The following SHISA9 variants were observed in gnomAD, a reference collection of about 807,000 sequenced individuals.
SHISA9 encodes the protein shisa family member 9.
Under a neutral mutation model 38.0 loss-of-function variants are expected in SHISA9, and 13 were observed. The ratio of observed to expected loss-of-function variants is 0.34; its 90% CI spans 0.22 to 0.54. The LOEUF is 0.54. SHISA9 is among the 20% of genes least tolerant of loss of function. The probability of loss-of-function intolerance (pLI) is 0.91; values close to 1 mark genes in which losing one functional copy is unlikely to be tolerated. For synonymous variants in SHISA9, 275 were observed against 242.0 expected (o/e 1.14, Z -1.27); for missense variants, 538 against 575.8 (o/e 0.93, Z 0.67).
At chr16:13,226,871 C>G (rs2051284634) in intron 4 of SHISA9, among the ~76,000 whole-genome samples, 1 of 152,136 alleles carries the variant, frequency 6.6e-6, no homozygotes, top group Admixed American at 6.5e-5. Context: ...ATTTCAAGAG[C>G]CTTAGAGTAG....
intron 2 of SHISA9, among the ~76,000 whole-genome samples, chr16:13,177,446 A>G (rs7190058): frequency 0.34 from 51,923 of 151,936 alleles, 9,382 homozygotes; most frequent in African/African-American, 0.45. Context: ...GTATACAAAA[A>G]TGGGTGGGGG....
chr16:13,056,824 G>C (rs1457566647), intron 2 of SHISA9, among the ~76,000 whole-genome samples: 1 of 152,218 alleles, frequency 6.6e-6, no homozygotes, highest in African/African-American at 2.4e-5. Context: ...GGTGGGAAAA[G>C]GGTACTTGAA....
At chr16:13,514,240 GCCTAGACCTC>G in the SHISA9 span, among the ~76,000 whole-genome samples, 1 of 151,790 alleles carries the variant, frequency 6.6e-6, no homozygotes, top group Non-Finnish European at 1.5e-5. Flanking sequence ...TGACCTGCCC[GCCTAGACCTC>G]CCGAAGTGCT....
intron 2 of SHISA9, among the ~76,000 whole-genome samples, chr16:13,187,167 C>A (rs2050832803): frequency 6.6e-6 from 1 of 152,136 alleles, no homozygotes; most frequent in Non-Finnish European, 1.5e-5. Flanking sequence ...AATTAATTTG[C>A]CTATGGCCTG....
chr16:13,412,830 C>T, the SHISA9 span, among the ~76,000 whole-genome samples: 1 of 151,880 alleles, frequency 6.6e-6, no homozygotes, highest in African/African-American at 2.4e-5. Flanking sequence ...GTACTCAGTC[C>T]GGGCGACAGA....
intron 4 of SHISA9, among the ~76,000 whole-genome samples, chr16:13,220,404 G>A (rs1227550132): frequency 6.6e-6 from 1 of 152,190 alleles, no homozygotes; most frequent in Non-Finnish European, 1.5e-5. Flanking sequence ...TCTCATGTCT[G>A]CTAACATCTC....
intron 2 of SHISA9, among the ~76,000 whole-genome samples, chr16:12,930,592 T>A (rs990894755): frequency 1.3e-5 from 2 of 152,204 alleles, no homozygotes; most frequent in Non-Finnish European, 2.9e-5. Context: ...TTCACTAGCA[T>A]GAAAGCAAAC....
intron 2 of SHISA9, among the ~76,000 whole-genome samples, chr16:13,162,899 C>G (rs531400530): frequency 3.8e-4 from 58 of 151,862 alleles, no homozygotes; most frequent in African/African-American, 1.3e-3. Flanking sequence ...ACCTTGGAGC[C>G]GTTATCCTGT....
intron 2 of SHISA9, among the ~76,000 whole-genome samples, chr16:13,102,910 G>A (rs1367135383): frequency 6.6e-6 from 1 of 152,174 alleles, no homozygotes; most frequent in Non-Finnish European, 1.5e-5. Flanking sequence ...CATTCAGAAG[G>A]GAGACAAGTT....
chr16:13,342,697 C>T, the SHISA9 span, among the ~76,000 whole-genome samples: 1 of 152,184 alleles, frequency 6.6e-6, no homozygotes, highest in African/African-American at 2.4e-5. Context: ...ATCACTTTCC[C>T]CACATTCGGT....
At chr16:13,548,502 C>G in the SHISA9 span, among the ~76,000 whole-genome samples, 1 of 151,980 alleles carries the variant, frequency 6.6e-6, no homozygotes, top group African/African-American at 2.4e-5. Context: ...AACTCAAACA[C>G]CTCAATAGCA....
the SHISA9 span, among the ~76,000 whole-genome samples, chr16:13,260,007 C>CTCTTTTTTTTT: frequency 9.8e-4 from 59 of 60,448 alleles, no homozygotes; most frequent in Admixed American, 2.8e-3. Context: ...TTCTTTCTTT[C>CTCTTTTTTTTT]TTTTTTTTTT....
intron 2 of SHISA9, among the ~76,000 whole-genome samples, chr16:13,116,850 C>A (rs2074035302): frequency 6.6e-6 from 1 of 152,202 alleles, no homozygotes; most frequent in Non-Finnish European, 1.5e-5. Flanking sequence ...TATTAGTGAC[C>A]ATGTGATAAA....
the SHISA9 span, among the ~76,000 whole-genome samples, chr16:13,387,770 G>A: frequency 0.036 from 5,447 of 152,188 alleles, 176 homozygotes; most frequent in African/African-American, 0.088. Context: ...TTACAGGCGT[G>A]AGCCACCACA....
chr16:13,314,772 A>G, the SHISA9 span, among the ~76,000 whole-genome samples: 3 of 152,072 alleles, frequency 2.0e-5, no homozygotes, highest in African/African-American at 7.2e-5. Flanking sequence ...GTAATTTAAC[A>G]TAGTCAAATT....
At chr16:13,298,587 G>C in the SHISA9 span, among the ~76,000 whole-genome samples, 56 of 152,312 alleles carry the variant, frequency 3.7e-4, no homozygotes, top group African/African-American at 1.3e-3. Context: ...AAGCTGGTAA[G>C]TGCTGGAGTC....
At chr16:12,943,211 G>A (rs1289589084) in intron 2 of SHISA9, among the ~76,000 whole-genome samples, 1 of 151,792 alleles carries the variant, frequency 6.6e-6, no homozygotes, top group African/African-American at 2.4e-5. Context: ...CACTGTTGGA[G>A]TGGGTGGGGT....
At chr16:13,251,735 T>A in the SHISA9 span, among the ~76,000 whole-genome samples, 3 of 152,124 alleles carry the variant, frequency 2.0e-5, no homozygotes, top group South Asian at 6.2e-4. Flanking sequence ...CTTTCCAAAA[T>A]AAATACCTGC....
the SHISA9 span, among the ~76,000 whole-genome samples, chr16:13,394,832 C>G: frequency 6.6e-6 from 1 of 152,142 alleles, no homozygotes; most frequent in Non-Finnish European, 1.5e-5. Context: ...GCTTTTTATA[C>G]TCTGCCCCTC....
Sources: allele counts gnomAD v4.1 joint callset (sites outside exome capture counted in the v4.1 genomes callset), GRCh38; gene constraint gnomAD v4.1.1; transcripts MANE v1.5; gene names NCBI Gene and HGNC (gene_info 2026-07-23, HGNC 2026-07-21).